Variants in C11orf68 observed in about 807,000 individuals in gnomAD.
C11orf68 encodes the protein chromosome 11 open reading frame 68.
C11orf68 carries 3 observed loss-of-function variants against 4.7 expected under a neutral mutation model. The observed-to-expected ratio is 0.64, with a 90% CI of 0.29 to 1.66. The LOEUF (loss-of-function observed/expected upper bound fraction) is 1.66. C11orf68 is among the 40% of genes most tolerant of loss of function. The pLI is 0.10. For synonymous variants in C11orf68, 186 were observed against 167.8 expected, an observed-to-expected ratio of 1.11 and a Z score of -0.84; for missense variants, 422 against 408.0, an observed-to-expected ratio of 1.03 and a Z score of -0.30.
chr11:65,917,412 A>T lies in C11orf68; in HGVS notation c.*47T>A. On this transcript the variant is annotated 3_prime_UTR_variant, in exon 2 of 2. Transcript: ENST00000438576. The stretch of plus-strand genomic sequence containing the variant: ...ACAAGGAGGAAGACAGGAGGATCCA[A>T]CCCCAGCATGGAGGGGGGAGTGGGC... The T allele has an allele frequency of 6.4e-7, 1 of 1,559,302 alleles. No homozygotes were observed. Among genetic ancestry groups the T allele is most frequent in the Non-Finnish European group, 8.7e-7 (1 of 1,152,020 alleles).
In C11orf68 at chr11:65,917,283, G is replaced by A; in HGVS notation, c.*176C>T. Reference sequence around the variant, plus strand: ...CGGAGCCCCCCAGCCTGTGGGGCTTGTGTCAGCCCTGAACAGAGGGCAGAA... The same window carrying A: ...CGGAGCCCCCCAGCCTGTGGGGCTTATGTCAGCCCTGAACAGAGGGCAGAA... On this transcript the variant is annotated 3_prime_UTR_variant, in exon 2 of 2. Coordinates refer to ENST00000438576, the MANE Select transcript of C11orf68 (RefSeq NM_001135635.2). 1.3e-6 allele frequency: 1 copy of A among 785,948 alleles called. No individual in the cohort carries two copies. The highest frequency in any genetic ancestry group is 1.8e-5 in the South Asian group (1 of 56,594). The allele number at this position is 785,948 out of a possible 1,614,324, so 48.7% of individuals were successfully genotyped here.
In C11orf68 at chr11:65,919,020, C is replaced by T; in HGVS notation, c.12G>A (p.Ala4=). 8.8e-7 allele frequency: 1 copy of T among 1,140,908 alleles called. No individual in the cohort carries two copies. Among genetic ancestry groups the T allele is most frequent in the Non-Finnish European group, 1.1e-6 (1 of 935,446 alleles). 70.7% of individuals were successfully genotyped at this position (1,140,908 alleles called of 1,614,324 possible). A position where few individuals can be genotyped will look rare whatever the true frequency, so the allele number is the denominator to read the frequency against. Residue 4 remains alanine (A), a synonymous_variant, in exon 1 of 2, where the codon GCG becomes GCA. Coordinates refer to ENST00000438576, the MANE Select transcript of C11orf68 (RefSeq NM_001135635.2). ...CCACCCCCGCCACGGCCGCCGCCGCCGCCGCCGCCATCTTAGCGCCGCGCC... is the reference window on the plus strand; with the variant it reads ...CCACCCCCGCCACGGCCGCCGCCGCTGCCGCCGCCATCTTAGCGCCGCGCC... MAA[A]AAAAVAGVGR...
Position 65,918,634 on chromosome 11 carries a change from G to A in C11orf68, c.122+276C>T, listed in dbSNP as rs545229118. On this transcript the variant is annotated intron_variant, in intron 1 of 1. Transcript: ENST00000438576. ...GCATTTAATAGAGGAACGCAAAGAAGCGCACGTTCGCGCAGCTCCCGAGGC... is the reference window on the plus strand; with the variant it reads ...GCATTTAATAGAGGAACGCAAAGAAACGCACGTTCGCGCAGCTCCCGAGGC... Among the ~76,000 whole-genome samples, 7 of 152,210 alleles carry A rather than the reference G, an allele frequency of 4.6e-5. No homozygotes were observed. In the South Asian group the frequency reaches 1.0e-3, roughly 23 times the overall value.
Position 65,918,167 on chromosome 11 carries a change from A to T in C11orf68, c.174T>A (p.Arg58=). The T allele has an allele frequency of 6.4e-7, 1 of 1,557,482 alleles. No homozygotes were observed. The highest frequency in any genetic ancestry group is 1.2e-5 in the South Asian group (1 of 81,214). The change falls in exon 2 of 2, where the codon CGT becomes CGA. Residue 58 remains arginine, a synonymous_variant. Coordinates refer to ENST00000438576, the MANE Select transcript of C11orf68 (RefSeq NM_001135635.2). ...ELEEEGSPGG[R]EDGFTAEHLA... The stretch of plus-strand genomic sequence containing the variant: ...GGTGCTCGGCGGTGAAGCCATCCTC[A>T]CGGCCACCTGGAGAGCCCTCCTCTT...
rs1182513814 is a variant in C11orf68 at position 65,918,913 on chromosome 11, C to T, written c.119G>A (p.Arg40Gln). Residue 40 changes from arginine (R) to glutamine (Q), a missense_variant, in exon 1 of 2, where the codon CGG becomes CAG. Coordinates refer to ENST00000438576, the MANE Select transcript of C11orf68 (RefSeq NM_001135635.2). ...GWAGVERSEG[R>Q]SRMEPGEELE... ...CCCTCCCGCCGCCCGCAGTCACCTC[C>T]GGCCTTCGCTGCGTTCGACGCCGGC... is the stretch of plus-strand genomic sequence containing the variant. 7.9e-6 allele frequency: 10 copies of T among 1,267,184 alleles called. No homozygotes were observed. The highest frequency in any genetic ancestry group is 4.4e-5 in the East Asian group (1 of 22,766). The allele number at this position is 1,267,184 out of a possible 1,614,324, so 78.5% of individuals were successfully genotyped here.
chr11:65,918,826 C>A, intron 1 of C11orf68, 84 bp downstream of exon 1: 1 of 1,077,206 alleles, frequency 9.3e-7, no homozygotes, highest in South Asian at 2.9e-5. Context: ...CCGGCCGTGC[C>A]GCGCCCGCCG....
At position 65,917,772 on chromosome 11, in the gene C11orf68, C is replaced by T. The variant is rs779228268; in HGVS notation, c.569G>A (p.Arg190Gln). 5 of 1,612,658 alleles carry T rather than the reference C, an allele frequency of 3.1e-6. No homozygotes were observed. The highest frequency in any genetic ancestry group is 2.5e-6 in the Non-Finnish European group (3 of 1,179,836). ...KLDHAWAGIA[R>Q]AVVEGQLQVA... ...CTGAAGCTGGCCTTCAACCACGGCCCGGGCAATGCCAGCCCAGGCGTGGTC... is the reference window on the plus strand; with the variant it reads ...CTGAAGCTGGCCTTCAACCACGGCCTGGGCAATGCCAGCCCAGGCGTGGTC... The change falls in exon 2 of 2, where the codon CGG becomes CAG. Residue 190 changes from arginine (R) to glutamine (Q), a missense_variant. Coordinates refer to ENST00000438576, the MANE Select transcript of C11orf68 (RefSeq NM_001135635.2).
At position 65,917,747 on chromosome 11, in the gene C11orf68, C is replaced by T. The variant is rs149645212; in HGVS notation, c.594G>A (p.Gln198=). 1.6e-5 allele frequency: 26 copies of T among 1,613,516 alleles called. No individual in the cohort carries two copies. The highest frequency in any genetic ancestry group is 2.0e-5 in the Non-Finnish European group (24 of 1,179,990). The change falls in exon 2 of 2, where the codon CAG becomes CAA. Residue 198 remains glutamine (Q), a synonymous_variant. Transcript: ENST00000438576. ...TGGCACGTGGGCTCACCTTGGCCAC[C>T]TGAAGCTGGCCTTCAACCACGGCCC... ...IARAVVEGQL[Q]VAKVSPRAKE... is the part of the protein sequence containing the mutation.
At chr11:65,918,824 G>A (rs1245128258) in intron 1 of C11orf68, 86 bp downstream of exon 1, 2 of 1,071,020 alleles carry the variant, frequency 1.9e-6, no homozygotes, top group African/African-American at 3.4e-5. Flanking sequence ...CTCCGGCCGT[G>A]CCGCGCCCGC....
intron 1 of C11orf68, among the ~76,000 whole-genome samples, chr11:65,918,516 G>A (rs1180455014): frequency 1.3e-5 from 2 of 152,216 alleles, no homozygotes; most frequent in Non-Finnish European, 2.9e-5. Flanking sequence ...TGGCAGGGCC[G>A]AAGGGTGAAT....
At chr11:65,918,425 T>G in intron 1 of C11orf68, 1 of 536,534 alleles carries the variant, frequency 1.9e-6, no homozygotes, top group South Asian at 4.3e-5. Context: ...GTTGCTGCAG[T>G]TATTACTATT....
In C11orf68 at chr11:65,917,714, AC is replaced by A; in HGVS notation, c.626del (p.Gly209ValfsTer84). Reference protein sequence around the residue: ...VAKVSPRAKEGGRQVICVYTD... With the variant: ...VAKVSPRAKEXGRQVICVYTD... ...TGTAAACACAGATGACCTGGCGCCC[AC>A]CCTCCTTGGCACGTGGGCTCACCTT... On this transcript the variant is annotated frameshift_variant, in exon 2 of 2. Coordinates refer to ENST00000438576, the MANE Select transcript of C11orf68 (RefSeq NM_001135635.2). LOFTEE classifies it low-confidence loss of function (END_TRUNC). 6.2e-7 allele frequency: 1 copy of A among 1,613,710 alleles called. No homozygotes were observed. Among genetic ancestry groups the A allele is most frequent in the Non-Finnish European group, 8.5e-7 (1 of 1,180,004 alleles).
intron 1 of C11orf68, among the ~76,000 whole-genome samples, chr11:65,918,557 A>C (rs1591100189): frequency 6.6e-6 from 1 of 151,940 alleles, no homozygotes. Flanking sequence ...CCCCAGCTAC[A>C]CCTCCCGGCC....
At position 65,919,027 on chromosome 11, in the gene C11orf68, G is replaced by A. The variant is rs1350221691; in HGVS notation, c.5C>T (p.Ala2Val). The A allele has an allele frequency of 1.8e-6, 2 of 1,135,886 alleles. No individual in the cohort carries two copies. Among genetic ancestry groups the A allele is most frequent in the Non-Finnish European group, 2.1e-6 (2 of 932,078 alleles). 70.4% of individuals were successfully genotyped at this position (1,135,886 alleles called of 1,614,324 possible). The change falls in exon 1 of 2, where the codon GCG becomes GTG. Residue 2 changes from alanine (A) to valine (V), a missense_variant. Transcript: ENST00000438576. ...CGCCACGGCCGCCGCCGCCGCCGCCGCCATCTTAGCGCCGCGCCACCTCAA... is the reference window on the plus strand; with the variant it reads ...CGCCACGGCCGCCGCCGCCGCCGCCACCATCTTAGCGCCGCGCCACCTCAA... Reference protein sequence around the residue: MAAAAAAAVAGV... With the variant: MVAAAAAAVAGV...
rs1344607996 is a variant in C11orf68, at chr11:65,917,505, C to T, written c.836G>A (p.Arg279His). 2 of 1,613,780 alleles carry T rather than the reference C, an allele frequency of 1.2e-6. No homozygotes were observed. The highest frequency in any genetic ancestry group is 1.7e-6 in the Non-Finnish European group (2 of 1,179,888). ...ESRFQLGGSA[R>H]GSRVLDRANN... ...GGCACGGTCAAGCACTCGGGAGCCA[C>T]GGGCACTACCCCCAAGCTGGAAACG... The change falls in exon 2 of 2, where the codon CGT becomes CAT. Residue 279 changes from arginine to histidine, a missense_variant. Transcript: ENST00000438576.
chr11:65,918,109 G>T lies in C11orf68; in HGVS notation c.232C>A (p.Pro78Thr). The T allele has an allele frequency of 6.2e-7, 1 of 1,608,452 alleles. No individual in the cohort carries two copies. Among genetic ancestry groups the T allele is most frequent in the Non-Finnish European group, 8.5e-7 (1 of 1,177,230 alleles). ...AAEAMAADMD[P>T]WLVFDARTTP... ...GTGCGGGCATCAAACACTAGCCAGGGGTCCATGTCAGCTGCCATGGCCTCT... is the reference window on the plus strand; with the variant it reads ...GTGCGGGCATCAAACACTAGCCAGGTGTCCATGTCAGCTGCCATGGCCTCT... Residue 78 changes from proline to threonine, a missense_variant, in exon 2 of 2, where the codon CCC becomes ACC. By Grantham distance (38) the Pro-to-Thr change is conservative (BLOSUM62 -1). Transcript: ENST00000438576.
chr11:65,919,043 G>T lies in C11orf68; in HGVS notation c.-12C>A. On this transcript the variant is annotated 5_prime_UTR_variant, in exon 1 of 2. Transcript: ENST00000438576. ...GCCGCCGCCGCCATCTTAGCGCCGCGCCACCTCAACAACAACTTTATAGAC... is the reference window on the plus strand; with the variant it reads ...GCCGCCGCCGCCATCTTAGCGCCGCTCCACCTCAACAACAACTTTATAGAC... The T allele has an allele frequency of 8.8e-7, 1 of 1,135,160 alleles. No homozygotes were observed. The highest frequency in any genetic ancestry group is 1.1e-6 in the Non-Finnish European group (1 of 931,426). The allele number at this position is 1,135,160 out of a possible 1,614,324, so 70.3% of individuals were successfully genotyped here.
chr11:65,917,115 A>T lies in C11orf68; in HGVS notation c.*344T>A, dbSNP rs1182253848. 8 of 255,176 alleles carry T rather than the reference A, an allele frequency of 3.1e-5. No individual in the cohort carries two copies. Among genetic ancestry groups the T allele is most frequent in the Non-Finnish European group, 6.1e-5 (8 of 131,612 alleles). The allele number at this position is 255,176 out of a possible 1,614,324, so 15.8% of individuals were successfully genotyped here. A position where few individuals can be genotyped will look rare whatever the true frequency, so the allele number is the denominator to read the frequency against. Reference sequence around the variant, plus strand: ...CTGAGGGGGAAGGAAAGAAGGGGAGATGCAGGAGGAAGGGGAGGTATAGCG... The same window carrying T: ...CTGAGGGGGAAGGAAAGAAGGGGAGTTGCAGGAGGAAGGGGAGGTATAGCG... On this transcript the variant is annotated 3_prime_UTR_variant, in exon 2 of 2. Coordinates refer to ENST00000438576, the MANE Select transcript of C11orf68 (RefSeq NM_001135635.2).
At chr11:65,918,810 C>T in intron 1 of C11orf68, 100 bp downstream of exon 1, 1 of 1,037,364 alleles carries the variant, frequency 9.6e-7, no homozygotes, top group Non-Finnish European at 1.2e-6. Flanking sequence ...GCAGGAGAGC[C>T]AGGCTCCGGC....
Sources: allele counts gnomAD v4.1 joint callset (sites outside exome capture counted in the v4.1 genomes callset), GRCh38; gene constraint gnomAD v4.1.1; transcripts MANE v1.5; gene names NCBI Gene and HGNC (gene_info 2026-07-23, HGNC 2026-07-21).